NKAIN3: variants seen among roughly 807,000 people sequenced by gnomAD.
The protein encoded by NKAIN3 is sodium/potassium-transporting ATPase subunit beta-1-interacting protein 3.
A neutral mutation model predicts 30.2 loss-of-function variants in NKAIN3; 25 were observed. That is an observed-to-expected ratio of 0.83 (90% CI 0.60 to 1.16). NKAIN3 has a LOEUF of 1.16. Among genes scored for constraint, NKAIN3 ranks in the 50% most tolerant of loss-of-function variants. The pLI, the probability that NKAIN3 is intolerant of heterozygous loss-of-function variation, is 0.00. For missense variants in NKAIN3, 225 were observed against 254.1 expected, an observed-to-expected ratio of 0.89 and a Z score of 0.78; for synonymous variants, 91 against 89.6, an observed-to-expected ratio of 1.02 and a Z score of -0.09.
At chr8:62,333,020 A>G (rs1585690601) in intron 1 of NKAIN3, among the ~76,000 whole-genome samples, 1 of 152,132 alleles carries the variant, frequency 6.6e-6, no homozygotes, top group Non-Finnish European at 1.5e-5. Context: ...CCAACAAAAA[A>G]CAGTTGTTTT....
chr8:62,882,382 G>A lies in NKAIN3; in HGVS notation c.472-36071G>A, dbSNP rs377153185. ...CGCCCAGGCTGGAGTACAATGACGC[G>A]ATCTCTGCTCAATGCAACCTCCGCC... On this transcript the variant is annotated intron_variant, in intron 4 of 6. Coordinates refer to ENST00000623646, the MANE Select transcript of NKAIN3 (RefSeq NM_001304533.3). 3.3e-4 allele frequency among the ~76,000 whole-genome samples: 50 copies of A among 152,088 alleles called. No individual in the cohort carries two copies. The Middle Eastern group carries it at 0.01, about 31-fold the overall frequency.
chr8:62,913,662 A>T (rs1469872059), intron 4 of NKAIN3, among the ~76,000 whole-genome samples: 1 of 152,224 alleles, frequency 6.6e-6, no homozygotes, highest in Non-Finnish European at 1.5e-5. Context: ...ATCTTGGAAG[A>T]ATCCATGCAT....
intron 4 of NKAIN3, among the ~76,000 whole-genome samples, chr8:62,750,162 G>A (rs1816230941): frequency 6.6e-6 from 1 of 151,968 alleles, no homozygotes; most frequent in Non-Finnish European, 1.5e-5. Flanking sequence ...GGGGCTCGGC[G>A]GCTCTGCTGC....
intron 1 of NKAIN3, among the ~76,000 whole-genome samples, chr8:62,450,866 T>G (rs2129598840): frequency 6.6e-6 from 1 of 152,270 alleles, no homozygotes; most frequent in African/African-American, 2.4e-5. Context: ...GTGATATATT[T>G]TGAACACACT....
chr8:62,526,437 C>T (rs1808306577), intron 1 of NKAIN3, among the ~76,000 whole-genome samples: 1 of 152,052 alleles, frequency 6.6e-6, no homozygotes, highest in African/African-American at 2.4e-5. Flanking sequence ...CGATTTCTGC[C>T]TCAGAGTAGA....
chr8:62,307,946 T>G (rs573175458), intron 1 of NKAIN3, among the ~76,000 whole-genome samples: 2 of 150,274 alleles, frequency 1.3e-5, no homozygotes, highest in African/African-American at 5.0e-5. Context: ...CTCAGGCAAA[T>G]AGAGCTGGTC....
intron 1 of NKAIN3, among the ~76,000 whole-genome samples, chr8:62,462,933 T>C (rs923703084): frequency 6.6e-6 from 1 of 152,186 alleles, no homozygotes; most frequent in Non-Finnish European, 1.5e-5. Context: ...AGTGAACTTC[T>C]CTTCTGTTAC....
At chr8:62,959,336 C>T (rs1400157941) in intron 6 of NKAIN3, among the ~76,000 whole-genome samples, 2 of 152,126 alleles carry the variant, frequency 1.3e-5, no homozygotes, top group East Asian at 1.9e-4. Context: ...TTCCTGAGAA[C>T]AGCTGTTTTG....
Position 62,967,084 on chromosome 8 carries a change from T to C in NKAIN3, c.*1677T>C, listed in dbSNP as rs1358907366. On this transcript the variant is annotated 3_prime_UTR_variant, in exon 7 of 7. Coordinates refer to ENST00000623646, the MANE Select transcript of NKAIN3 (RefSeq NM_001304533.3). The stretch of plus-strand genomic sequence containing the variant: ...CCCACAAACTCCCATTACTTTTTTT[T>C]CTGCTTAATAAATCCAAATTCAAAT... 6.6e-6 allele frequency among the ~76,000 whole-genome samples: 1 copy of C among 152,198 alleles called. No homozygotes were observed. Among genetic ancestry groups the C allele is most frequent in the Non-Finnish European group, 1.5e-5 (1 of 68,048 alleles).
At position 62,738,649 on chromosome 8, in the gene NKAIN3, A is replaced by G. The variant is rs183317405; in HGVS notation, c.274-8283A>G. Among the ~76,000 whole-genome samples, 258 of 150,428 alleles carry G rather than the reference A, an allele frequency of 1.7e-3. 3 individuals are homozygous for G. The East Asian group carries it at 0.019, about 11-fold the overall frequency. ...CTTTTGAGTAGTGTCTGTTTATATCATATCCTTTGCCCACTTTTTGATGGG... is the reference window on the plus strand; with the variant it reads ...CTTTTGAGTAGTGTCTGTTTATATCGTATCCTTTGCCCACTTTTTGATGGG... On this transcript the variant is annotated intron_variant, in intron 3 of 6. Coordinates refer to ENST00000623646, the MANE Select transcript of NKAIN3 (RefSeq NM_001304533.3).
chr8:62,828,474 G>A (rs1819094897), intron 4 of NKAIN3, among the ~76,000 whole-genome samples: 1 of 151,996 alleles, frequency 6.6e-6, no homozygotes, highest in African/African-American at 2.4e-5. Context: ...CAATCACATG[G>A]TTCATTACTC....
At chr8:62,389,069 T>A (rs927665834) in intron 1 of NKAIN3, among the ~76,000 whole-genome samples, 2 of 152,114 alleles carry the variant, frequency 1.3e-5, no homozygotes, top group Admixed American at 1.3e-4. Context: ...AGCCAGCCTG[T>A]CTGCATGGAG....
At chr8:62,516,602 A>C (rs1807998056) in intron 1 of NKAIN3, among the ~76,000 whole-genome samples, 1 of 152,126 alleles carries the variant, frequency 6.6e-6, no homozygotes, top group African/African-American at 2.4e-5. Flanking sequence ...AAGATCTTTA[A>C]AGTGTGAAAT....
chr8:62,802,821 AACTGGATAAAGAGTCAAG>A (rs1414248192), intron 4 of NKAIN3, among the ~76,000 whole-genome samples: 1 of 152,236 alleles, frequency 6.6e-6, no homozygotes, highest in African/African-American at 2.4e-5. Flanking sequence ...CACACTGGCA[AACTGGATAAAGAGTCAAG>A]ACCCATCAGT....
intron 3 of NKAIN3, among the ~76,000 whole-genome samples, chr8:62,692,004 G>A (rs924103172): frequency 3.3e-5 from 5 of 152,208 alleles, no homozygotes; most frequent in Non-Finnish European, 7.3e-5. Flanking sequence ...TTTGGAGATA[G>A]CACTGCTGTT....
intron 1 of NKAIN3, among the ~76,000 whole-genome samples, chr8:62,353,215 A>T (rs1268164122): frequency 2.0e-5 from 3 of 152,228 alleles, no homozygotes; most frequent in African/African-American, 7.2e-5. Flanking sequence ...TTTACAAAAA[A>T]ATAAAAAAAT....
chr8:62,817,534 G>T (rs1007306079), intron 4 of NKAIN3, among the ~76,000 whole-genome samples: 1 of 152,034 alleles, frequency 6.6e-6, no homozygotes. Flanking sequence ...GTCTTACAGT[G>T]ATTTTTCAGA....
At chr8:62,280,181 T>C (rs61168653) in intron 1 of NKAIN3, among the ~76,000 whole-genome samples, 91,734 of 151,142 alleles carry the variant, frequency 0.61, 27,932 homozygotes, top group East Asian at 0.68. Context: ...TGTTTGTCTG[T>C]TATTGGTGTA....
intron 3 of NKAIN3, among the ~76,000 whole-genome samples, chr8:62,681,000 G>A (rs1334323978): frequency 6.6e-6 from 1 of 152,040 alleles, no homozygotes; most frequent in Non-Finnish European, 1.5e-5. Context: ...ATAAACTTTT[G>A]TAATATGAAA....
Sources: gnomAD v4.1 joint callset for allele counts (sites outside exome capture counted in the v4.1 genomes callset) on GRCh38, gnomAD v4.1.1 for gene constraint, MANE v1.5 for transcripts, NCBI Gene and HGNC (gene_info 2026-07-23, HGNC 2026-07-21) for gene names.